The following PEAK1 variants were observed in gnomAD, a reference collection of about 807,000 sequenced individuals.
PEAK1 encodes the protein pseudopodium enriched atypical kinase 1.
A neutral mutation model predicts 124.7 loss-of-function variants in PEAK1; 54 were observed. The ratio of observed to expected loss-of-function variants is 0.43; its 90% CI spans 0.35 to 0.54. The LOEUF is 0.54. Among genes scored for constraint, PEAK1 ranks in the 20% least tolerant of loss-of-function variants. The pLI is 0.01. For synonymous variants in PEAK1, 719 were observed against 760.0 expected (o/e 0.95, Z 0.89); for missense variants, 2,046 against 2,134.5 (o/e 0.96, Z 0.82).
exon 7 of PEAK1, chr15:77,102,343 GTTAT>G (rs1400636117): frequency 1.3e-5 from 2 of 152,020 alleles, no homozygotes; most frequent in African/African-American, 2.4e-5. Flanking sequence ...TTTTTTCTGG[GTTAT>G]TTACTTTTCA....
intron 8 of PEAK1, chr15:77,156,784 ATAT>A (rs2055195359): frequency 6.6e-6 from 1 of 152,238 alleles, no homozygotes; most frequent in Non-Finnish European, 1.5e-5. Flanking sequence ...TGTCTAGAAG[ATAT>A]TATAATTTCT....
chr15:77,117,198 C>G (rs2051465563), intron 9 of PEAK1, among the ~76,000 whole-genome samples: 2 of 152,176 alleles, frequency 1.3e-5, no homozygotes, highest in African/African-American at 4.8e-5. Context: ...TTGGCTGAAT[C>G]AGATTGGATG....
At chr15:77,259,363 A>G (rs2061326359) in intron 5 of PEAK1, among the ~76,000 whole-genome samples, 1 of 152,208 alleles carries the variant, frequency 6.6e-6, no homozygotes, top group Admixed American at 6.6e-5. Context: ...TTCTCAAGAA[A>G]TCAATTTTCC....
chr15:77,279,289 G>A (rs1286809949), intron 5 of PEAK1, among the ~76,000 whole-genome samples: 2 of 152,118 alleles, frequency 1.3e-5, no homozygotes, highest in Non-Finnish European at 2.9e-5. Flanking sequence ...ATCTCAGGAG[G>A]AGGGATTCCC....
chr15:77,170,565 CAGAAT>C (rs1005517779), intron 7 of PEAK1, among the ~76,000 whole-genome samples: 2 of 152,028 alleles, frequency 1.3e-5, no homozygotes, highest in African/African-American at 4.8e-5. Context: ...TGGCTGTTCT[CAGAAT>C]AGATATCAGG....
intron 7 of PEAK1, among the ~76,000 whole-genome samples, chr15:77,170,048 C>A (rs555575289): frequency 3.3e-5 from 5 of 152,034 alleles, no homozygotes; most frequent in African/African-American, 1.2e-4. Flanking sequence ...ATTTTTGATA[C>A]CCGATGATGT....
chr15:77,313,652 A>AAG (rs2064634881), intron 2 of PEAK1, among the ~76,000 whole-genome samples: 1 of 90,602 alleles, frequency 1.1e-5, no homozygotes, highest in African/African-American at 4.4e-5. Flanking sequence ...GTATGTATGT[A>AAG]TGTGTGTGTG....
intron 8 of PEAK1, among the ~76,000 whole-genome samples, chr15:77,138,731 G>A (rs796787572): frequency 6.6e-5 from 10 of 152,090 alleles, no homozygotes; most frequent in East Asian, 3.9e-4. Flanking sequence ...GCATGGTGGC[G>A]CATGCCTATA....
rs78347535 is a variant in PEAK1, at chr15:77,359,948, A to G, written c.-603+5215T>C. On this transcript the variant is annotated intron_variant, in intron 2 of 9. Transcript: ENST00000682557. The stretch of plus-strand genomic sequence containing the variant: ...CTAATCCAAAAATTCATATGGTAAT[A>G]TAAGCAATCCAGAAGAGCCAAAACA... Among the ~76,000 whole-genome samples the G allele has an allele frequency of 4.3e-3, 653 of 152,344 alleles. 6 individuals carry two copies. Among genetic ancestry groups the G allele is most frequent in the African/African-American group, 0.015 (619 of 41,570 alleles).
chr15:77,162,050 T>C (rs539081778), intron 7 of PEAK1, among the ~76,000 whole-genome samples: 82 of 149,950 alleles, frequency 5.5e-4, no homozygotes, highest in African/African-American at 2.0e-3. Context: ...AACAATATAC[T>C]ATGACTAAAA....
intron 6 of PEAK1, among the ~76,000 whole-genome samples, chr15:77,195,287 T>TA (rs975207783): frequency 2.6e-4 from 39 of 152,080 alleles, no homozygotes; most frequent in Admixed American, 1.3e-4. Flanking sequence ...CAAAGGAACA[T>TA]AGAGAACTAA....
intron 1 of PEAK1, among the ~76,000 whole-genome samples, chr15:77,414,833 GCTC>G (rs1213931572): frequency 2.6e-5 from 4 of 152,194 alleles, no homozygotes; most frequent in Non-Finnish European, 4.4e-5. Context: ...AGCATTTCAT[GCTC>G]CTCATTTTCT....
chr15:77,145,970 T>C (rs183756114), intron 8 of PEAK1, among the ~76,000 whole-genome samples: 86 of 152,332 alleles, frequency 5.6e-4, no homozygotes, highest in African/African-American at 2.1e-3. Context: ...AAATAGAACT[T>C]ATCTTCCTAT....
intron 5 of PEAK1, chr15:77,255,235 GATTTTAAACCTATTAATT>G: frequency 2.0e-6 from 1 of 490,732 alleles, no homozygotes; most frequent in Non-Finnish European, 2.6e-6. Context: ...AAATTGGCCT[GATTTTAAACCTATTAATT>G]ATTTATTCCT....
chr15:77,142,523 C>T (rs1172738028), intron 8 of PEAK1, among the ~76,000 whole-genome samples: 3 of 152,190 alleles, frequency 2.0e-5, no homozygotes, highest in African/African-American at 7.2e-5. Context: ...TCATAAGCAG[C>T]AGCATTTATA....
At chr15:77,276,062 G>C (rs949012393) in intron 5 of PEAK1, among the ~76,000 whole-genome samples, 1 of 151,758 alleles carries the variant, frequency 6.6e-6, no homozygotes, top group African/African-American at 2.4e-5. Flanking sequence ...CTGAACAATA[G>C]GAAGAAAACA....
intron 6 of PEAK1, among the ~76,000 whole-genome samples, chr15:77,236,804 G>A (rs1179652400): frequency 4.6e-5 from 7 of 152,218 alleles, no homozygotes; most frequent in Middle Eastern, 3.4e-3. Flanking sequence ...TGGGATCATC[G>A]GGGCAGTTTC....
chr15:77,158,728 T>C (rs754811240), intron 7 of PEAK1, 32 bp from the exon 8 acceptor site: 2 of 1,597,680 alleles, frequency 1.3e-6, no homozygotes, highest in East Asian at 4.5e-5. Context: ...GTCACACTGG[T>C]ATTGGAAGGT....
intron 5 of PEAK1, chr15:77,278,698 C>T (rs1470012332): frequency 1.5e-5 from 8 of 517,784 alleles, no homozygotes; most frequent in Admixed American, 7.9e-5. Context: ...CCAAAACAGA[C>T]CAGACACAGA....
Sources: allele counts gnomAD v4.1 joint callset (sites outside exome capture counted in the v4.1 genomes callset), GRCh38; gene constraint gnomAD v4.1.1; transcripts MANE v1.5; gene names NCBI Gene and HGNC (gene_info 2026-07-23, HGNC 2026-07-21).